CETP: variants seen among roughly 807,000 people sequenced by gnomAD.
CETP encodes the protein BPI fold containing family F.
Under a neutral mutation model 66.5 loss-of-function variants are expected in CETP, and 56 were observed. That is an observed-to-expected ratio of 0.84 (90% CI 0.68 to 1.05). The LOEUF (loss-of-function observed/expected upper bound fraction) is 1.05. CETP is among the 50% of genes least tolerant of loss of function. CETP has a pLI of 0.00. For synonymous variants in CETP, 251 were observed against 245.7 expected (o/e 1.02, Z -0.20); for missense variants, 612 against 609.6 (o/e 1.00, Z -0.04).
Position 56,969,978 on chromosome 16 carries a change from C to G in CETP, c.504C>G (p.Leu168=), listed in dbSNP as rs753695890. 1.2e-6 allele frequency: 2 copies of G among 1,613,924 alleles called. No individual in the cohort carries two copies. The highest frequency in any genetic ancestry group is 1.6e-4 in the Middle Eastern group (1 of 6,084). The part of the protein sequence containing the change: ...PDCYLSFHKL[L]LHLQGEREPG... Reference sequence around the variant, plus strand: ...GCTACCTGTCTTTCCATAAGCTGCTCCTGCATCTCCAAGGGGAGCGAGAGT... The same window carrying G: ...GCTACCTGTCTTTCCATAAGCTGCTGCTGCATCTCCAAGGGGAGCGAGAGT... Residue 168 remains leucine, a synonymous_variant, in exon 5 of 16, where the codon CTC becomes CTG. Coordinates refer to ENST00000200676, the MANE Select transcript of CETP (RefSeq NM_000078.3).
intron 10 of CETP, among the ~76,000 whole-genome samples, chr16:56,976,203 G>A (rs112205272): frequency 0.018 from 2,794 of 152,164 alleles, 85 homozygotes; most frequent in African/African-American, 0.065. Context: ...GTAGCTCCCG[G>A]TGGGTCTCCC....
intron 9 of CETP, among the ~76,000 whole-genome samples, chr16:56,974,586 T>G (rs80029834): frequency 0.015 from 2,321 of 152,346 alleles, 94 homozygotes; most frequent in East Asian, 0.13. Flanking sequence ...TAAATATAAG[T>G]TGATATTAGA....
At chr16:56,973,535 A>G (rs1274767936) in intron 9 of CETP, 25 bp downstream of exon 9, 3 of 1,613,442 alleles carry the variant, frequency 1.9e-6, no homozygotes, top group Admixed American at 1.7e-5. Flanking sequence ...CTGGGCTGCT[A>G]GGGGATCCAG....
chr16:56,971,994 A>G lies in CETP; in HGVS notation c.661A>G (p.Ser221Gly), dbSNP rs1473636122. The change falls in exon 8 of 16, where the codon AGC becomes GGC. Residue 221 changes from serine (S) to glycine (G), a missense_variant and splice_region_variant. Ser to Gly is a moderately conservative substitution (Grantham distance 56). Coordinates refer to ENST00000200676, the MANE Select transcript of CETP (RefSeq NM_000078.3). ...MADFVQTRAA[S>G]ILSDGDIGVD... is the part of the protein sequence containing the mutation. ...GCGTTGATCTTTTCCTCCTGCAGCC[A>G]GCATCCTTTCAGATGGAGACATTGG... is the stretch of plus-strand genomic sequence containing the variant. 4.3e-6 allele frequency: 7 copies of G among 1,613,894 alleles called. No individual in the cohort carries two copies. Among genetic ancestry groups the G allele is most frequent in the Non-Finnish European group, 5.9e-6 (7 of 1,179,900 alleles).
In CETP at chr16:56,969,726, G is replaced by C. The variant is rs60896367; in HGVS notation, c.439+45G>C. On this transcript the variant is annotated intron_variant, in intron 4 of 15. Coordinates refer to ENST00000200676, the MANE Select transcript of CETP (RefSeq NM_000078.3). The stretch of plus-strand genomic sequence containing the variant: ...TGGGGAAGTGGGAGCTGGACTCCAG[G>C]GCTTGGCCTCAGCAGAGGGGGAGGT... 3.5e-4 allele frequency: 562 copies of C among 1,607,504 alleles called. No homozygotes were observed. In the African/African-American group the frequency reaches 6.9e-3, roughly 20 times the overall value.
intron 9 of CETP, 111 bp downstream of exon 9, chr16:56,973,621 AG>A: frequency 4.1e-6 from 5 of 1,219,744 alleles, no homozygotes; most frequent in Non-Finnish European, 5.8e-6. Flanking sequence ...GGTGGGCAAA[AG>A]AACTAAGCTG....
chr16:56,970,780 A>C (rs2056103839), intron 5 of CETP, among the ~76,000 whole-genome samples: 1 of 152,192 alleles, frequency 6.6e-6, no homozygotes, highest in Non-Finnish European at 1.5e-5. Flanking sequence ...GACTCTAGAC[A>C]CGTTCTCGTG....
At chr16:56,974,014 T>C (rs1162327125) in intron 9 of CETP, among the ~76,000 whole-genome samples, 1 of 152,176 alleles carries the variant, frequency 6.6e-6, no homozygotes, top group Non-Finnish European at 1.5e-5. Flanking sequence ...ACATAACTGG[T>C]TAGGTCAGGG....
At position 56,969,622 on chromosome 16, in the gene CETP, A is replaced by G; in HGVS notation, c.380A>G (p.Asp127Gly). ...TTGGCTCTTTCCAGGCTGGGTATTG[A>G]TCAGTCCATTGACTTCGAGATCGAC... ...GYTTAWWLGI[D>G]QSIDFEIDSA... Residue 127 changes from aspartate (D) to glycine (G), a missense_variant, in exon 4 of 16, where the codon GAT becomes GGT. Coordinates refer to ENST00000200676, the MANE Select transcript of CETP (RefSeq NM_000078.3). The G allele has an allele frequency of 1.2e-6, 2 of 1,614,156 alleles. No homozygotes were observed. The highest frequency in any genetic ancestry group is 1.7e-6 in the Non-Finnish European group (2 of 1,180,024).
intron 2 of CETP, among the ~76,000 whole-genome samples, chr16:56,964,682 T>C (rs1175648850): frequency 6.6e-6 from 1 of 152,158 alleles, no homozygotes; most frequent in East Asian, 1.9e-4. Context: ...CCTTGAGTCT[T>C]GGTAAATGTT....
rs757893916 is a variant in CETP at position 56,983,581 on chromosome 16, C to T, written c.1408-11C>T. 1 of 1,614,114 alleles carries T rather than the reference C, an allele frequency of 6.2e-7. No individual in the cohort carries two copies. Among genetic ancestry groups the T allele is most frequent in the East Asian group, 2.2e-5 (1 of 44,874 alleles). On this transcript the variant is annotated splice_polypyrimidine_tract_variant and intron_variant, in intron 15 of 15. Coordinates refer to ENST00000200676, the MANE Select transcript of CETP (RefSeq NM_000078.3). ...CAGCTCGCCCCTCTCTCCTACTGCC[C>T]CTCCCTTCAGGGCTTCCTGCTGCTG... is the stretch of plus-strand genomic sequence containing the variant.
At chr16:56,978,382 C>T (rs2056165395) in intron 11 of CETP, 127 bp downstream of exon 11, 1 of 1,109,388 alleles carries the variant, frequency 9.0e-7, no homozygotes, top group South Asian at 1.3e-5. Context: ...CACTGGTTGT[C>T]TCTTGCACAT....
Position 56,977,084 on chromosome 16 carries a change from T to C in CETP, c.982-1007T>C, listed in dbSNP as rs368196007. 1.2e-4 allele frequency among the ~76,000 whole-genome samples: 18 copies of C among 152,158 alleles called. 1 individual carries two copies. Among genetic ancestry groups the C allele is most frequent in the African/African-American group, 4.3e-4 (18 of 41,502 alleles). On this transcript the variant is annotated intron_variant, in intron 10 of 15. Coordinates refer to ENST00000200676, the MANE Select transcript of CETP (RefSeq NM_000078.3). ...CCACTGTGCCCAGCTCATTTTTTTG[T>C]ATTTTTAGTAGAGACGGGGTTTCAC... is the stretch of plus-strand genomic sequence containing the variant.
chr16:56,977,123 C>G (rs1303394591), intron 10 of CETP, among the ~76,000 whole-genome samples: 2 of 152,036 alleles, frequency 1.3e-5, no homozygotes, highest in African/African-American at 4.8e-5. Flanking sequence ...GTTGGCCAGG[C>G]TGGTCTTGAC....
At chr16:56,980,544 G>A (rs1421750846) in intron 11 of CETP, among the ~76,000 whole-genome samples, 1 of 151,870 alleles carries the variant, frequency 6.6e-6, no homozygotes, top group Non-Finnish European at 1.5e-5. Context: ...ATTCCTTTTG[G>A]CTTTCTCATG....
chr16:56,971,233 C>T (rs2056107618), intron 6 of CETP, 88 bp from the exon 7 acceptor site: 2 of 1,537,270 alleles, frequency 1.3e-6, no homozygotes, highest in African/African-American at 1.4e-5. Flanking sequence ...GTGCCGGTCC[C>T]CAGCACTGCC....
intron 10 of CETP, among the ~76,000 whole-genome samples, 193 bp downstream of exon 10, chr16:56,975,344 TATGAGTGGGGCGGTCA>T (rs1475099262): frequency 6.6e-6 from 1 of 152,188 alleles, no homozygotes; most frequent in Non-Finnish European, 1.5e-5. Context: ...ACACCGACCC[TATGAGTGGGGCGGTCA>T]AACTGTCCCC....
intron 4 of CETP, 69 bp from the exon 5 acceptor site, chr16:56,969,845 G>A (rs1284682933): frequency 6.4e-7 from 1 of 1,571,556 alleles, no homozygotes. Context: ...CTCTTGACTG[G>A]CCTGGGCAGC....
chr16:56,974,356 G>A (rs189237051), intron 9 of CETP, among the ~76,000 whole-genome samples: 2 of 152,308 alleles, frequency 1.3e-5, no homozygotes, highest in East Asian at 3.9e-4. Context: ...GGCTGAGGAG[G>A]GAGGATCACT....
Sources: gnomAD v4.1 joint callset for allele counts (sites outside exome capture counted in the v4.1 genomes callset) on GRCh38, gnomAD v4.1.1 for gene constraint, MANE v1.5 for transcripts, NCBI Gene and HGNC (gene_info 2026-07-23, HGNC 2026-07-21) for gene names.